PNPLA7: variants seen among roughly 807,000 people sequenced by gnomAD.
The protein encoded by PNPLA7 is patatin like domain 7, lysophospholipase.
PNPLA7 carries 153 observed loss-of-function variants against 161.7 expected under a neutral mutation model. The observed-to-expected ratio is 0.95, with a 90% CI of 0.83 to 1.08. The LOEUF is 1.08. Ranked by LOEUF, PNPLA7 falls within the 50% of genes least tolerant of loss-of-function variation. The pLI is 0.00. For missense variants in PNPLA7, 1,739 were observed against 1,856.6 expected (o/e 0.94, Z 1.16); for synonymous variants, 809 against 782.1 (o/e 1.03, Z -0.57).
At chr9:137,496,104 CTGTT>C (rs1833041645) in intron 18 of PNPLA7, among the ~76,000 whole-genome samples, 2 of 150,880 alleles carry the variant, frequency 1.3e-5, no homozygotes, top group South Asian at 2.1e-4. Context: ...TCCCCACACA[CTGTT>C]TTTTTTTTTC....
At chr9:137,534,451 C>G (rs926407258) in intron 8 of PNPLA7, among the ~76,000 whole-genome samples, 1 of 152,206 alleles carries the variant, frequency 6.6e-6, no homozygotes, top group Non-Finnish European at 1.5e-5. Flanking sequence ...GGAGCACTCC[C>G]AGACTCCTCC....
rs907437249 is a variant in PNPLA7 at position 137,537,327 on chromosome 9, T to C, written c.747+3315A>G. On this transcript the variant is annotated intron_variant, in intron 8 of 34. Coordinates refer to ENST00000406427, the MANE Select transcript of PNPLA7 (RefSeq NM_001098537.3). This position sits in a 1 kb window ranked among gnomAD's most constrained non-coding sequence, Gnocchi z 4.5. ...TCTCAGATATCACCCCCATTTTTTT[T>C]TTTGAGACAGAGTTGGAGTGTCACT... Among the ~76,000 whole-genome samples, 1 of 152,130 alleles carries C rather than the reference T, an allele frequency of 6.6e-6. No individual in the cohort carries two copies. Among genetic ancestry groups the C allele is most frequent in the African/African-American group, 2.4e-5 (1 of 41,410 alleles).
chr9:137,547,635 G>C lies in PNPLA7; in HGVS notation c.55C>G (p.Leu19Val). The change falls in exon 2 of 35, where the codon CTG becomes GTG. Residue 19 changes from leucine (L) to valine (V), a missense_variant. Around this residue, in one of 6 missense-constraint regions of PNPLA7, gnomAD observed 209 missense variants for 252.8 expected, o/e 0.83. Coordinates refer to ENST00000406427, the MANE Select transcript of PNPLA7 (RefSeq NM_001098537.3). The surrounding 1 kb of genome is among the most constrained non-coding windows in gnomAD (Gnocchi z 4.6). Reference protein sequence around the residue: ...PQADFCLGTALHSWGLWFTEE... With the variant: ...PQADFCLGTAVHSWGLWFTEE... Reference sequence around the variant, plus strand: ...GTGAACCACAGTCCCCAAGAGTGCAGGGCGGTGCCCAGGCAGAAGTCAGCC... The same window carrying C: ...GTGAACCACAGTCCCCAAGAGTGCACGGCGGTGCCCAGGCAGAAGTCAGCC... 5.0e-6 allele frequency: 8 copies of C among 1,613,108 alleles called. No homozygotes were observed. In the Admixed American group the frequency reaches 5.0e-5, roughly 10 times the overall value.
At chr9:137,475,542 T>C (rs1477119244) in intron 25 of PNPLA7, among the ~76,000 whole-genome samples, 1 of 152,074 alleles carries the variant, frequency 6.6e-6, no homozygotes, top group Non-Finnish European at 1.5e-5. Flanking sequence ...GCCTGGCTAA[T>C]TTTTTGTATT....
chr9:137,461,734 GC>G, intron 32 of PNPLA7, 114 bp from the exon 33 acceptor site: 2 of 1,253,000 alleles, frequency 1.6e-6, no homozygotes, highest in Non-Finnish European at 1.1e-6. Flanking sequence ...GCCTCCGCCT[GC>G]CCCCCAAGTA....
Position 137,460,697 on chromosome 9 carries a change from C to T in PNPLA7, c.3882G>A (p.Leu1294=). The T allele has an allele frequency of 6.2e-7, 1 of 1,612,856 alleles. No individual in the cohort carries two copies. Among genetic ancestry groups the T allele is most frequent in the Non-Finnish European group, 8.5e-7 (1 of 1,179,930 alleles). The change falls in exon 34 of 35, where the codon CTG becomes CTA. Residue 1294 remains leucine (L), a synonymous_variant. Coordinates refer to ENST00000406427, the MANE Select transcript of PNPLA7 (RefSeq NM_001098537.3). The part of the protein sequence containing the change: ...DYQTEYEEEL[L]DVPRDAYADF... ...CTGCGTATGCATCCCTGGGGACGTC[C>T]AGCAGCTCCTCCTCGTACTCCGTCT...
chr9:137,510,499 G>A (rs1254281396), intron 12 of PNPLA7, among the ~76,000 whole-genome samples: 1 of 150,806 alleles, frequency 6.6e-6, no homozygotes, highest in African/African-American at 2.4e-5. Flanking sequence ...GCAGGGAAGG[G>A]CCCCCTGTCC....
intron 14 of PNPLA7, among the ~76,000 whole-genome samples, chr9:137,502,365 T>C (rs112467273): frequency 4.0e-5 from 6 of 151,868 alleles, no homozygotes; most frequent in African/African-American, 1.2e-4. Context: ...CTTTGGAAAA[T>C]GATCGAAAAA....
chr9:137,517,100 A>G lies in PNPLA7; in HGVS notation c.1085-1581T>C, dbSNP rs1311003839. 6.0e-5 allele frequency among the ~76,000 whole-genome samples: 8 copies of G among 133,312 alleles called. No homozygotes were observed. The East Asian group carries it at 1.6e-3, about 27-fold the overall frequency. 87.5% of individuals were successfully genotyped at this position (133,312 alleles called of 152,430 possible). A position where few individuals can be genotyped will look rare whatever the true frequency, so the allele number is the denominator to read the frequency against. On this transcript the variant is annotated intron_variant, in intron 11 of 34. Coordinates refer to ENST00000406427, the MANE Select transcript of PNPLA7 (RefSeq NM_001098537.3). ...TCACTCACTCCACTCTGTCCACTCC[A>G]TCCCTCACTCACTCACTCCACTCTG...
chr9:137,501,237 G>A (rs1833395249), intron 15 of PNPLA7, among the ~76,000 whole-genome samples: 6 of 152,184 alleles, frequency 3.9e-5, no homozygotes. Flanking sequence ...CGCCTCGCCT[G>A]GGGCCTGGCC....
rs184434626 is a variant in PNPLA7, at chr9:137,522,168, G to A, written c.877-452C>T. Among the ~76,000 whole-genome samples the A allele has an allele frequency of 4.7e-3, 720 of 152,218 alleles. 6 individuals are homozygous for A. The highest frequency in any genetic ancestry group is 0.016 in the African/African-American group (675 of 41,528). On this transcript the variant is annotated intron_variant, in intron 9 of 34. Transcript: ENST00000406427. Reference sequence around the variant, plus strand: ...CGGCTCACTGCAAGCTCCGCCTCCCGGGTTCATGCCGTTCTCCTGCCTCAG... The same window carrying A: ...CGGCTCACTGCAAGCTCCGCCTCCCAGGTTCATGCCGTTCTCCTGCCTCAG...
intron 25 of PNPLA7, among the ~76,000 whole-genome samples, chr9:137,472,771 A>G (rs1362107827): frequency 3.3e-5 from 5 of 151,900 alleles, no homozygotes; most frequent in African/African-American, 1.2e-4. Context: ...CCTGACCAAC[A>G]TGGTGAAACC....
At position 137,522,737 on chromosome 9, in the gene PNPLA7, C is replaced by T. The variant is rs201618766; in HGVS notation, c.868G>A (p.Val290Met). The change falls in exon 9 of 35, where the codon GTG becomes ATG. Residue 290 changes from valine (V) to methionine (M), a missense_variant. Physicochemically the swap from Val to Met is conservative, Grantham distance 21. This residue lies in a region of PNPLA7 where 152 missense variants were observed against 193.5 expected (regional missense o/e 0.79). Coordinates refer to ENST00000406427, the MANE Select transcript of PNPLA7 (RefSeq NM_001098537.3). ...CTGAAAAAGTGACTCACCTGCACCACCCTCACCAGAGTTTCCGGATATTTC... is the reference window on the plus strand; with the variant it reads ...CTGAAAAAGTGACTCACCTGCACCATCCTCACCAGAGTTTCCGGATATTTC... ...FEKYPETLVR[V>M]VQIIMVRLQR... The T allele has an allele frequency of 1.2e-5, 19 of 1,612,820 alleles. No homozygotes were observed. In the East Asian group the frequency reaches 2.9e-4, roughly 25 times the overall value.
intron 8 of PNPLA7, among the ~76,000 whole-genome samples, chr9:137,530,453 G>A (rs1835531438): frequency 6.6e-6 from 1 of 152,196 alleles, no homozygotes; most frequent in South Asian, 2.1e-4. Flanking sequence ...TTCCCATCAG[G>A]GCTTTTGCTC....
chr9:137,507,097 A>G (rs759982102), intron 12 of PNPLA7, among the ~76,000 whole-genome samples: 20 of 152,216 alleles, frequency 1.3e-4, no homozygotes, highest in Non-Finnish European at 2.6e-4. Flanking sequence ...AAAGGGGCGC[A>G]TGTCTCCGAG....
At chr9:137,483,620 C>A (rs1338665685) in intron 21 of PNPLA7, among the ~76,000 whole-genome samples, 2 of 151,990 alleles carry the variant, frequency 1.3e-5, no homozygotes, top group African/African-American at 4.8e-5. Context: ...CCACGCCCAG[C>A]TAATTTTTGT....
rs763218203 is a variant in PNPLA7, at chr9:137,484,627, G to A, written c.2307C>T (p.Thr769=). The change falls in exon 21 of 35, where the codon ACC becomes ACT. Residue 769 remains threonine (T), a synonymous_variant. Coordinates refer to ENST00000406427, the MANE Select transcript of PNPLA7 (RefSeq NM_001098537.3). ...CATGCTCCAGCTCCAGGGCGAAGGC[G>A]GTGAGGGGCACTTCCTCTGACACGG... is the stretch of plus-strand genomic sequence containing the variant. The part of the protein sequence containing the change: ...VMPVSEEVPL[T]AFALELEHAL... 31 of 1,612,070 alleles carry A rather than the reference G, an allele frequency of 1.9e-5. No individual in the cohort carries two copies. The highest frequency in any genetic ancestry group is 5.0e-5 in the Admixed American group (3 of 59,874).
rs1357776103 is a variant in PNPLA7 at position 137,513,078 on chromosome 9, T to C, written c.1225+2301A>G. Among the ~76,000 whole-genome samples the C allele has an allele frequency of 3.3e-5, 5 of 152,314 alleles. No homozygotes were observed. The East Asian group carries it at 9.6e-4, about 29-fold the overall frequency. On this transcript the variant is annotated intron_variant, in intron 12 of 34. Coordinates refer to ENST00000406427, the MANE Select transcript of PNPLA7 (RefSeq NM_001098537.3). ...ATGACAGATTGTTTTATTAATGGTGTTGGGTAAATTATCACCATAAAGAGT... is the reference window on the plus strand; with the variant it reads ...ATGACAGATTGTTTTATTAATGGTGCTGGGTAAATTATCACCATAAAGAGT...
intron 32 of PNPLA7, 114 bp downstream of exon 32, chr9:137,461,817 G>C (rs116588758): frequency 7.9e-7 from 1 of 1,271,166 alleles, no homozygotes; most frequent in Non-Finnish European, 1.1e-6. Flanking sequence ...GGCCAGGGGG[G>C]CAGGGCCTGT....
Sources: gnomAD v4.1 joint callset for allele counts (sites outside exome capture counted in the v4.1 genomes callset) on GRCh38, gnomAD v4.1.1 for gene constraint, gnomAD v4.1.1 regional missense constraint, Gnocchi (gnomAD v3.1) non-coding constraint, MANE v1.5 for transcripts, NCBI Gene and HGNC (gene_info 2026-07-23, HGNC 2026-07-21) for gene names.